The following WDR41 variants were observed in gnomAD, a reference collection of about 807,000 sequenced individuals.
The protein encoded by WDR41 is WD repeat domain 41, also known as WD repeat-containing protein 41.
WDR41 carries 63 observed loss-of-function variants against 69.3 expected under a neutral mutation model. The ratio of observed to expected loss-of-function variants is 0.91; its 90% confidence interval spans 0.74 to 1.12. WDR41 has a LOEUF of 1.12. Among genes scored for constraint, WDR41 ranks in the 50% most tolerant of loss-of-function variants. The pLI, the probability that WDR41 is intolerant of heterozygous loss-of-function variation, is 0.00. For synonymous variants in WDR41, 185 were observed against 192.1 expected (o/e 0.96, Z 0.31); for missense variants, 543 against 534.5 (o/e 1.02, Z -0.16).
intron 1 of WDR41, among the ~76,000 whole-genome samples, chr5:77,525,776 CT>C (rs771168941): frequency 1.3e-5 from 2 of 152,104 alleles, no homozygotes; most frequent in Non-Finnish European, 2.9e-5. Context: ...TAGAAAAAGA[CT>C]TTTGAGCTCA....
intron 12 of WDR41, among the ~76,000 whole-genome samples, chr5:77,434,314 GA>G (rs35089946): frequency 2.6e-5 from 4 of 151,622 alleles, no homozygotes; most frequent in African/African-American, 9.7e-5. Context: ...TCCCTCTCGG[GA>G]AAAAAAACAA....
At chr5:77,461,303 A>G (rs527756816) in intron 4 of WDR41, among the ~76,000 whole-genome samples, 1 of 152,190 alleles carries the variant, frequency 6.6e-6, no homozygotes, top group Non-Finnish European at 1.5e-5. Context: ...ATATGTGTGT[A>G]TGTATATATG....
At chr5:77,464,726 CTT>C (rs1561746046) in intron 3 of WDR41, 33 bp downstream of exon 3, 2 of 1,605,610 alleles carry the variant, frequency 1.2e-6, no homozygotes, top group South Asian at 2.2e-5. Context: ...ATCATCATAT[CTT>C]TATCACACAA....
chr5:77,512,724 G>T (rs1436650180), intron 1 of WDR41, among the ~76,000 whole-genome samples: 1 of 128,550 alleles, frequency 7.8e-6, no homozygotes, highest in African/African-American at 3.0e-5. Flanking sequence ...CTAGCCTGGC[G>T]AGAGAGCGAA....
intron 1 of WDR41, among the ~76,000 whole-genome samples, chr5:77,515,057 T>C (rs1802272621): frequency 6.6e-6 from 1 of 152,184 alleles, no homozygotes; most frequent in Non-Finnish European, 1.5e-5. Context: ...TAAATTTATT[T>C]TAAAATTTTT....
At chr5:77,549,644 A>G (rs911144658) in intron 1 of WDR41, among the ~76,000 whole-genome samples, 7 of 152,236 alleles carry the variant, frequency 4.6e-5, no homozygotes, top group African/African-American at 1.7e-4. Flanking sequence ...ATGAAAAAAC[A>G]TTCTATGCTC....
intron 1 of WDR41, among the ~76,000 whole-genome samples, chr5:77,603,684 T>C (rs937592003): frequency 2.0e-5 from 3 of 152,246 alleles, no homozygotes; most frequent in African/African-American, 7.2e-5. Flanking sequence ...CTATGTTTTC[T>C]TCCAGTAGTT....
intron 2 of WDR41, among the ~76,000 whole-genome samples, chr5:77,467,278 C>T (rs1268123851): frequency 6.6e-6 from 1 of 151,884 alleles, no homozygotes; most frequent in African/African-American, 2.4e-5. Context: ...AAACTTAAGC[C>T]TAAAGATAAG....
intron 1 of WDR41, among the ~76,000 whole-genome samples, chr5:77,504,693 A>T (rs1802078278): frequency 6.6e-6 from 1 of 152,256 alleles, no homozygotes; most frequent in Non-Finnish European, 1.5e-5. Flanking sequence ...AGTCAGCTTC[A>T]TCCCTGGGAT....
At chr5:77,603,596 T>C (rs1744363399) in intron 1 of WDR41, among the ~76,000 whole-genome samples, 1 of 152,228 alleles carries the variant, frequency 6.6e-6, no homozygotes, top group Admixed American at 6.5e-5. Flanking sequence ...GTTCTATTTG[T>C]CTATGTTTTA....
chr5:77,469,928 C>T (rs375559731), intron 2 of WDR41, among the ~76,000 whole-genome samples: 5 of 151,610 alleles, frequency 3.3e-5, no homozygotes, highest in African/African-American at 7.3e-5. Context: ...ATACAGAGAA[C>T]GCCACAAAGA....
intron 6 of WDR41, chr5:77,451,586 T>C: frequency 4.7e-6 from 2 of 428,476 alleles, no homozygotes; most frequent in Non-Finnish European, 8.4e-6. Context: ...TGGGGTTGGG[T>C]TTTTTTGTAC....
At chr5:77,615,297 A>G (rs1437655530) in intron 1 of WDR41, among the ~76,000 whole-genome samples, 7 of 152,226 alleles carry the variant, frequency 4.6e-5, no homozygotes, top group Admixed American at 6.5e-5. Context: ...TACTAAAAAT[A>G]TATCATTTAT....
At chr5:77,595,552 A>G (rs1204258349) in intron 1 of WDR41, among the ~76,000 whole-genome samples, 1 of 152,182 alleles carries the variant, frequency 6.6e-6, no homozygotes, top group African/African-American at 2.4e-5. Context: ...GCACAAAATC[A>G]GCTTGAGATA....
intron 1 of WDR41, among the ~76,000 whole-genome samples, chr5:77,606,542 G>A (rs1161199778): frequency 6.6e-6 from 1 of 152,066 alleles, no homozygotes; most frequent in East Asian, 1.9e-4. Flanking sequence ...GGGTGTGGTG[G>A]CTGTAATCCC....
At position 77,475,943 on chromosome 5, in the gene WDR41, A is replaced by G. The variant is rs529058474; in HGVS notation, c.168-11134T>C. Reference sequence around the variant, plus strand: ...TTTGAAAAAAAATTTAGAAGAATGTATAACTAGAATAACCAATACAGAGAA... The same window carrying G: ...TTTGAAAAAAAATTTAGAAGAATGTGTAACTAGAATAACCAATACAGAGAA... On this transcript the variant is annotated intron_variant, in intron 2 of 12. Transcript: ENST00000296679. 2.6e-3 allele frequency among the ~76,000 whole-genome samples: 396 copies of G among 152,292 alleles called. 3 individuals are homozygous for G. Among genetic ancestry groups the G allele is most frequent in the Middle Eastern group, 0.02 (6 of 294 alleles).
intron 1 of WDR41, among the ~76,000 whole-genome samples, chr5:77,616,014 T>C (rs1370840051): frequency 6.6e-6 from 1 of 151,130 alleles, no homozygotes; most frequent in African/African-American, 2.4e-5. Context: ...AATAAATAAA[T>C]AAATTAATTA....
At chr5:77,560,320 A>G (rs1743500555) in intron 1 of WDR41, among the ~76,000 whole-genome samples, 1 of 152,204 alleles carries the variant, frequency 6.6e-6, no homozygotes, top group Non-Finnish European at 1.5e-5. Context: ...AGAAAGATCA[A>G]CTTGTGATCT....
At position 77,593,573 on chromosome 5, in the gene WDR41, G is replaced by A. The variant is rs910017854; in HGVS notation, c.42+26906C>T. 4.6e-5 allele frequency among the ~76,000 whole-genome samples: 7 copies of A among 152,116 alleles called. No individual in the cohort carries two copies. The South Asian group carries it at 8.3e-4, about 18-fold the overall frequency. ...AGAAAATGTTTATAATATAGTAAAT[G>A]TAAACAAAGCAGTTATAAAAATAAA... On this transcript the variant is annotated intron_variant, in intron 1 of 5. Coordinates refer to the WDR41 transcript ENST00000509971.
Sources: gnomAD v4.1 joint callset for allele counts (sites outside exome capture counted in the v4.1 genomes callset) on GRCh38, gnomAD v4.1.1 for gene constraint, MANE v1.5 for transcripts, NCBI Gene and HGNC (gene_info 2026-07-23, HGNC 2026-07-21) for gene names.